The following TRPC5 variants were observed in gnomAD, a reference collection of about 807,000 sequenced individuals.
TRPC5 encodes the protein short transient receptor potential channel 5.
In TRPC5, 9 loss-of-function variants were observed where a neutral mutation model predicts 56.5. That is an observed-to-expected ratio of 0.16 (90% CI 0.10 to 0.28). The LOEUF is 0.28. Ranked by LOEUF, TRPC5 falls within the 10% of genes least tolerant of loss-of-function variation. The pLI is 1.00. For missense variants in TRPC5, 469 were observed against 748.9 expected (o/e 0.63, Z 4.36); for synonymous variants, 282 against 278.5 (o/e 1.01, Z -0.13).
intron 7 of TRPC5, among the ~76,000 whole-genome samples, chrX:111,790,032 A>C (rs1245694445): frequency 8.9e-6 from 1 of 112,085 alleles, no homozygotes; most frequent in African/African-American, 3.2e-5. Context: ...TGAGGAATAC[A>C]ATTTGATTCA....
intron 1 of TRPC5, among the ~76,000 whole-genome samples, chrX:111,963,671 T>A (rs868393879): frequency 2.6e-4 from 29 of 111,446 alleles, no homozygotes; most frequent in African/African-American, 8.5e-4. Context: ...TTCACCAATA[T>A]CCGCTGTTCT....
At chrX:112,067,463 G>A (rs752997999) in intron 1 of TRPC5, among the ~76,000 whole-genome samples, 1 of 112,449 alleles carries the variant, frequency 8.9e-6, no homozygotes, top group African/African-American at 3.2e-5. Flanking sequence ...TGTGTCTGCC[G>A]TCTCAGCTTT....
intron 7 of TRPC5, among the ~76,000 whole-genome samples, chrX:111,807,117 G>C (rs1284772413): frequency 9.0e-6 from 1 of 111,160 alleles, no homozygotes; most frequent in Non-Finnish European, 1.9e-5. Context: ...TATTTCTATA[G>C]GTTTGGGAAG....
chrX:111,999,229 G>A (rs1016023257), intron 1 of TRPC5, among the ~76,000 whole-genome samples: 6 of 111,095 alleles, frequency 5.4e-5, no homozygotes, highest in African/African-American at 2.0e-4. Context: ...TCTAACTGTA[G>A]TTTTGTATGT....
chrX:111,997,485 A>G (rs1167422096), intron 1 of TRPC5, among the ~76,000 whole-genome samples: 1 of 110,783 alleles, frequency 9.0e-6, no homozygotes, highest in Non-Finnish European at 1.9e-5. Context: ...GCTCTTCTCA[A>G]GGAGTATCTT....
At chrX:111,990,894 T>G (rs767015477) in intron 1 of TRPC5, among the ~76,000 whole-genome samples, 2 of 112,428 alleles carry the variant, frequency 1.8e-5, no homozygotes, top group Non-Finnish European at 3.8e-5. Context: ...TGCGACTTAC[T>G]TTTCTTTTAT....
intron 3 of TRPC5, chrX:111,881,854 T>C (rs1924238520): frequency 3.6e-5 from 4 of 111,163 alleles, no homozygotes; most frequent in Non-Finnish European, 7.5e-5. Flanking sequence ...ACCATTTTGA[T>C]TGGCCGAGAT....
chrX:111,882,324 T>C lies in TRPC5; in HGVS notation c.901-28218A>G, dbSNP rs1247815532. ...CTGGCTGCAAAGAGCCTACAAGCAG[T>C]CTGTTTCCTGTTGCAGTATGGTAAG... On this transcript the variant is annotated intron_variant, in intron 3 of 10. Coordinates refer to ENST00000262839, the MANE Select transcript of TRPC5 (RefSeq NM_012471.3). Among the ~76,000 whole-genome samples, 5 of 112,283 alleles carry C rather than the reference T, an allele frequency of 4.5e-5. No individual in the cohort carries two copies. The East Asian group carries it at 1.4e-3, about 32-fold the overall frequency.
chrX:112,024,506 A>G, intron 1 of TRPC5, among the ~76,000 whole-genome samples: 1 of 111,834 alleles, frequency 8.9e-6, no homozygotes, highest in Non-Finnish European at 1.9e-5. Context: ...CAGAACTTGT[A>G]CAATCAGCTC....
chrX:111,969,362 T>G (rs1270310055), intron 1 of TRPC5, among the ~76,000 whole-genome samples: 1 of 112,356 alleles, frequency 8.9e-6, no homozygotes, highest in Admixed American at 9.5e-5. Context: ...TTTATTGCAG[T>G]GGTCTAGAAC....
chrX:111,918,756 G>A (rs73266320), intron 2 of TRPC5, among the ~76,000 whole-genome samples: 11,688 of 111,119 alleles, frequency 0.11, 505 homozygotes, highest in Non-Finnish European at 0.14. Context: ...GGGAGGATGG[G>A]AGACTGTGGA....
At chrX:111,938,089 T>C (rs1443760525) in intron 2 of TRPC5, among the ~76,000 whole-genome samples, 1 of 91,264 alleles carries the variant, frequency 1.1e-5, no homozygotes, top group Non-Finnish European at 2.1e-5. Context: ...TTCCTAGGTA[T>C]TTTATTCTCT....
chrX:112,023,266 T>G (rs1341590542), intron 1 of TRPC5, among the ~76,000 whole-genome samples: 4 of 98,397 alleles, frequency 4.1e-5, no homozygotes, highest in Non-Finnish European at 8.0e-5. Context: ...TTTTTTTTTT[T>G]TTTTTTTTTA....
In TRPC5 at chrX:112,038,752, G is replaced by A. The variant is rs1478923509; in HGVS notation, c.-22+43127C>T. Among the ~76,000 whole-genome samples, 11 of 109,089 alleles carry A rather than the reference G, an allele frequency of 1.0e-4. No homozygotes were observed. The East Asian group carries it at 3.2e-3, about 32-fold the overall frequency. The allele number at this position is 109,089 out of a possible 115,157, so 94.7% of individuals were successfully genotyped here. ...GCTGGAGTGCAATGGCGCGATCTCGGCTCACTGCAAGCTCCGCCTCCTGGG... is the reference window on the plus strand; with the variant it reads ...GCTGGAGTGCAATGGCGCGATCTCGACTCACTGCAAGCTCCGCCTCCTGGG... On this transcript the variant is annotated intron_variant, in intron 1 of 10. Coordinates refer to ENST00000262839, the MANE Select transcript of TRPC5 (RefSeq NM_012471.3).
At chrX:111,886,743 A>G (rs1924518280) in intron 3 of TRPC5, among the ~76,000 whole-genome samples, 1 of 112,109 alleles carries the variant, frequency 8.9e-6, no homozygotes, top group Admixed American at 9.4e-5. Context: ...AATTGCCAGA[A>G]GGTACCGAGG....
chrX:112,034,606 A>G (rs752059242), intron 1 of TRPC5, among the ~76,000 whole-genome samples: 46 of 104,804 alleles, frequency 4.4e-4, no homozygotes, highest in Non-Finnish European at 8.6e-4. Flanking sequence ...TTTTTTTTTT[A>G]TGTTGAACCA....
intron 1 of TRPC5, among the ~76,000 whole-genome samples, chrX:111,990,457 G>C (rs962027212): frequency 3.6e-5 from 4 of 110,947 alleles, no homozygotes; most frequent in African/African-American, 1.3e-4. Context: ...AAGATACAAG[G>C]AGAAATTCAG....
chrX:111,790,597 A>T (rs887518351), intron 7 of TRPC5, among the ~76,000 whole-genome samples: 27 of 111,739 alleles, frequency 2.4e-4, no homozygotes, highest in Non-Finnish European at 4.0e-4. Context: ...TAAAGGATTT[A>T]TTCCGCTAGC....
chrX:112,001,049 C>T (rs1253874289), intron 1 of TRPC5, among the ~76,000 whole-genome samples: 1 of 112,127 alleles, frequency 8.9e-6, no homozygotes, highest in African/African-American at 3.2e-5. Context: ...CTTTCTGTGC[C>T]CAGGCTACCA....
Sources: gnomAD v4.1 joint callset for allele counts (sites outside exome capture counted in the v4.1 genomes callset) on GRCh38, gnomAD v4.1.1 for gene constraint, MANE v1.5 for transcripts, NCBI Gene and HGNC (gene_info 2026-07-23, HGNC 2026-07-21) for gene names.